The following STAG1 variants were observed in gnomAD, a reference collection of about 807,000 sequenced individuals.
STAG1 encodes cohesin subunit SA-1.
STAG1 carries 26 observed loss-of-function variants against 170.9 expected under a neutral mutation model. That is an observed-to-expected ratio of 0.15 (90% CI 0.11 to 0.21). The LOEUF (loss-of-function observed/expected upper bound fraction) is 0.21, where lower values mean the gene tolerates loss of function less well. Ranked by LOEUF, STAG1 falls within the 10% of genes least tolerant of loss-of-function variation. The pLI, the probability that STAG1 is intolerant of heterozygous loss-of-function variation, is 1.00. For missense variants in STAG1, 964 were observed against 1,509.5 expected, an observed-to-expected ratio of 0.64 and a Z score of 5.99; for synonymous variants, 514 against 497.7, an observed-to-expected ratio of 1.03 and a Z score of -0.44.
chr3:136,706,557 G>C (rs1028634556), intron 1 of STAG1, among the ~76,000 whole-genome samples: 1 of 152,096 alleles, frequency 6.6e-6, no homozygotes, highest in Non-Finnish European at 1.5e-5. Context: ...ACTGTTAAAA[G>C]AAATTAAGAC....
chr3:136,469,971 T>C (rs1367377175), intron 12 of STAG1, among the ~76,000 whole-genome samples: 2 of 152,182 alleles, frequency 1.3e-5, no homozygotes, highest in East Asian at 1.9e-4. Flanking sequence ...TTACACCTTA[T>C]AGAAAAATTA....
At chr3:136,375,237 T>G (rs1249261799) in intron 23 of STAG1, among the ~76,000 whole-genome samples, 1 of 152,212 alleles carries the variant, frequency 6.6e-6, no homozygotes, top group Non-Finnish European at 1.5e-5. Flanking sequence ...CAAACAAATT[T>G]AATTATATAG....
At chr3:136,618,126 TTTCCAATTACCTGCTCCACCCTGACTCA>T (rs1939678780) in intron 3 of STAG1, among the ~76,000 whole-genome samples, 1 of 152,188 alleles carries the variant, frequency 6.6e-6, no homozygotes, top group African/African-American at 2.4e-5. Flanking sequence ...AAAGCAACCT[TTTCCAATTACCTGCTCCACCCTGACTCA>T]TTCCAATCAC....
At chr3:136,469,313 A>T (rs531141593) in intron 12 of STAG1, among the ~76,000 whole-genome samples, 7 of 152,306 alleles carry the variant, frequency 4.6e-5, no homozygotes, top group African/African-American at 1.7e-4. Context: ...AATGTACAAA[A>T]ATCACAAGCA....
At chr3:136,713,815 A>G (rs1423534432) in intron 1 of STAG1, among the ~76,000 whole-genome samples, 1 of 151,946 alleles carries the variant, frequency 6.6e-6, no homozygotes. Context: ...CTGAGGTCAG[A>G]AATTTAAGAC....
intron 1 of STAG1, among the ~76,000 whole-genome samples, chr3:136,707,502 C>G (rs1943260401): frequency 6.6e-6 from 1 of 152,170 alleles, no homozygotes; most frequent in African/African-American, 2.4e-5. Context: ...ACTTTACAAA[C>G]TTTAGAATAG....
chr3:136,350,503 T>G (rs949756991), intron 28 of STAG1, among the ~76,000 whole-genome samples: 7 of 152,130 alleles, frequency 4.6e-5, no homozygotes, highest in Non-Finnish European at 8.8e-5. Context: ...ACTGGAACCC[T>G]GAATGCCCCA....
chr3:136,611,658 C>CATTTTTTTTTT (rs1357118748), intron 3 of STAG1, among the ~76,000 whole-genome samples: 1 of 72,568 alleles, frequency 1.4e-5, no homozygotes. Flanking sequence ...CCACACCCAG[C>CATTTTTTTTTT]TTTTTTTTTT....
chr3:136,568,299 T>A (rs977431342), intron 5 of STAG1, among the ~76,000 whole-genome samples: 2 of 152,178 alleles, frequency 1.3e-5, no homozygotes, highest in Non-Finnish European at 1.5e-5. Context: ...CAAACTGTCT[T>A]ACAGTTGTAA....
intron 1 of STAG1, among the ~76,000 whole-genome samples, chr3:136,640,615 C>T (rs1327052097): frequency 6.6e-6 from 1 of 150,578 alleles, no homozygotes; most frequent in Non-Finnish European, 1.5e-5. Context: ...GTGAACCGCC[C>T]GCCTCAGCCT....
intron 4 of STAG1, among the ~76,000 whole-genome samples, chr3:136,570,549 A>T (rs1450337555): frequency 6.6e-6 from 1 of 152,224 alleles, no homozygotes; most frequent in Non-Finnish European, 1.5e-5. Flanking sequence ...CAGAACCAAG[A>T]GCAGATCTGT....
At chr3:136,407,156 A>G (rs896144889) in intron 21 of STAG1, among the ~76,000 whole-genome samples, 7 of 152,102 alleles carry the variant, frequency 4.6e-5, no homozygotes, top group African/African-American at 1.4e-4. Flanking sequence ...CCTCCTGAGT[A>G]GCTGGGATTA....
At chr3:136,535,305 T>C (rs1038227784) in intron 6 of STAG1, among the ~76,000 whole-genome samples, 2 of 152,144 alleles carry the variant, frequency 1.3e-5, no homozygotes, top group African/African-American at 2.4e-5. Context: ...AAGAAATAAG[T>C]TCTAATGTTC....
intron 6 of STAG1, among the ~76,000 whole-genome samples, chr3:136,528,296 C>A (rs1386598253): frequency 6.6e-6 from 1 of 152,114 alleles, no homozygotes; most frequent in Non-Finnish European, 1.5e-5. Flanking sequence ...GCGACCCTCC[C>A]CCAGCCTTAC....
At chr3:136,392,932 C>T (rs911074367) in intron 22 of STAG1, among the ~76,000 whole-genome samples, 1 of 151,812 alleles carries the variant, frequency 6.6e-6, no homozygotes, top group Non-Finnish European at 1.5e-5. Flanking sequence ...GAGAACTCTA[C>T]CTTGTATTTT....
intron 4 of STAG1, among the ~76,000 whole-genome samples, chr3:136,595,788 T>G (rs1404396984): frequency 1.3e-5 from 2 of 151,638 alleles, no homozygotes; most frequent in South Asian, 2.1e-4. Context: ...TTTGGTCTGA[T>G]TCCAGCCTTA....
intron 14 of STAG1, among the ~76,000 whole-genome samples, chr3:136,448,847 G>A (rs1266976173): frequency 6.6e-6 from 1 of 151,998 alleles, no homozygotes; most frequent in African/African-American, 2.4e-5. Context: ...GCTGAGACAG[G>A]AGAATCGCTT....
chr3:136,644,848 G>C (rs965952341), intron 1 of STAG1, among the ~76,000 whole-genome samples: 2 of 152,108 alleles, frequency 1.3e-5, no homozygotes, highest in Admixed American at 1.3e-4. Context: ...AGCCTCCCCA[G>C]TAGCTGGGAC....
intron 1 of STAG1, among the ~76,000 whole-genome samples, chr3:136,660,468 G>A (rs1381042734): frequency 2.0e-5 from 3 of 152,056 alleles, no homozygotes; most frequent in African/African-American, 7.2e-5. Flanking sequence ...TACTCAGGAT[G>A]TTTTTCACGA....
Sources: allele counts gnomAD v4.1 joint callset (sites outside exome capture counted in the v4.1 genomes callset), GRCh38; gene constraint gnomAD v4.1.1; transcripts MANE v1.5; gene names NCBI Gene and HGNC (gene_info 2026-07-23, HGNC 2026-07-21).